CEP126: variants seen among roughly 807,000 people sequenced by gnomAD.
The protein encoded by CEP126 is centrosomal protein of 126 kDa.
CEP126 carries 74 observed loss-of-function variants against 107.8 expected under a neutral mutation model. That is an observed-to-expected ratio of 0.69 (90% CI 0.57 to 0.83). The LOEUF (loss-of-function observed/expected upper bound fraction) is 0.83. Among genes scored for constraint, CEP126 ranks in the 40% least tolerant of loss-of-function variants. The pLI is 0.00. For missense variants in CEP126, 1,237 were observed against 1,281.9 expected (o/e 0.96, Z 0.53); for synonymous variants, 449 against 446.0 (o/e 1.01, Z -0.08).
At chr11:101,923,256 T>C (rs1458531449) in intron 2 of CEP126, among the ~76,000 whole-genome samples, 2 of 152,138 alleles carry the variant, frequency 1.3e-5, no homozygotes, top group African/African-American at 2.4e-5. Flanking sequence ...GGTAGCAATA[T>C]GAATAACAGT....
intron 2 of CEP126, among the ~76,000 whole-genome samples, chr11:101,926,409 A>G (rs1367371372): frequency 6.6e-6 from 1 of 152,264 alleles, no homozygotes; most frequent in African/African-American, 2.4e-5. Context: ...GAAGAGTATC[A>G]GGAGAGGAAG....
intron 6 of CEP126, among the ~76,000 whole-genome samples, chr11:101,966,860 A>G (rs1339672536): frequency 1.3e-5 from 2 of 151,938 alleles, no homozygotes; most frequent in Admixed American, 1.3e-4. Flanking sequence ...GGTTTGGGGT[A>G]TGGATCCTAT....
intron 1 of CEP126, among the ~76,000 whole-genome samples, chr11:101,920,339 G>A (rs1017683783): frequency 2.0e-5 from 3 of 152,044 alleles, no homozygotes; most frequent in South Asian, 2.1e-4. Flanking sequence ...AACAAATTAT[G>A]TACCGCATAG....
At chr11:101,915,543 C>G in intron 1 of CEP126, 131 bp downstream of exon 1, 6 of 1,186,438 alleles carry the variant, frequency 5.1e-6, no homozygotes, top group Non-Finnish European at 7.0e-6. Context: ...CAGATATTTC[C>G]TTTAGCAACT....
intron 6 of CEP126, among the ~76,000 whole-genome samples, chr11:101,967,157 C>T (rs1434661588): frequency 1.3e-5 from 2 of 150,910 alleles, no homozygotes; most frequent in Admixed American, 1.3e-4. Context: ...ACCTTTCAGG[C>T]ACTACAGGCA....
rs1941492381 is a variant in CEP126 at position 102,000,235 on chromosome 11, AATAAT to A, written c.*2597_*2601del. ...TTACTTTTTAAAAAGTAACTTTTTT[AATAAT>A]ATAAGAAAGAAAAATGCCCTTTCAC... On this transcript the variant is annotated 3_prime_UTR_variant, in exon 11 of 11. Transcript: ENST00000263468. 6.6e-6 allele frequency: 1 copy of A among 152,160 alleles called. No individual in the cohort carries two copies. Among genetic ancestry groups the A allele is most frequent in the Non-Finnish European group, 1.5e-5 (1 of 68,040 alleles). 9.4% of individuals were successfully genotyped at this position (152,160 alleles called of 1,614,324 possible).
chr11:101,936,509 A>G (rs1288862008), intron 2 of CEP126, among the ~76,000 whole-genome samples: 12 of 152,160 alleles, frequency 7.9e-5, no homozygotes, highest in Admixed American at 7.2e-4. Context: ...GTCGTCTGCA[A>G]ATAAAGAGAA....
In CEP126 at chr11:101,963,542, ACT is replaced by A. The variant is rs770856008; in HGVS notation, c.2510_2511del (p.Ser837PhefsTer2). On this transcript the variant is annotated frameshift_variant, in exon 6 of 11. Coordinates refer to ENST00000263468, the MANE Select transcript of CEP126 (RefSeq NM_020802.4). LOFTEE classifies it high-confidence loss of function. The stretch of plus-strand genomic sequence containing the variant: ...AATCCTCAAAACATTATTACACATA[ACT>A]CTTTTAATTCAAAACATGTGCTTCC... 1 of 1,614,054 alleles carries A rather than the reference ACT, an allele frequency of 6.2e-7. No individual in the cohort carries two copies. Among genetic ancestry groups the A allele is most frequent in the Non-Finnish European group, 8.5e-7 (1 of 1,180,012 alleles).
intron 4 of CEP126, among the ~76,000 whole-genome samples, chr11:101,953,499 G>A (rs2137103734): frequency 6.6e-6 from 1 of 152,070 alleles, no homozygotes; most frequent in Non-Finnish European, 1.5e-5. Context: ...AAAAAAGAAA[G>A]CCACATAACT....
chr11:101,985,112 C>T (rs1361314337), intron 8 of CEP126, among the ~76,000 whole-genome samples: 1 of 151,354 alleles, frequency 6.6e-6, no homozygotes, highest in Non-Finnish European at 1.5e-5. Context: ...TCAGGAATAA[C>T]AGTGATACCA....
At chr11:101,943,711 A>G (rs1299777673) in intron 2 of CEP126, among the ~76,000 whole-genome samples, 1 of 152,022 alleles carries the variant, frequency 6.6e-6, no homozygotes, top group African/African-American at 2.4e-5. Context: ...GTTTGTAGCT[A>G]TGTGTGATTA....
At chr11:101,995,026 C>T (rs1941426648) in intron 10 of CEP126, among the ~76,000 whole-genome samples, 1 of 152,136 alleles carries the variant, frequency 6.6e-6, no homozygotes, top group South Asian at 2.1e-4. Flanking sequence ...TCTCCCCTAG[C>T]CCTCCACCCC....
Position 101,937,321 on chromosome 11 carries a change from A to G in CEP126, c.249-6944A>G, listed in dbSNP as rs375001740. Among the ~76,000 whole-genome samples the G allele has an allele frequency of 2.7e-4, 41 of 152,350 alleles. No homozygotes were observed. In the East Asian group the frequency reaches 4.6e-3, roughly 17 times the overall value. ...TATTCACACTTAAGTACTTAAAAGT[A>G]AAAAATATGACAGATAACATTAACA... On this transcript the variant is annotated intron_variant, in intron 2 of 10. Coordinates refer to ENST00000263468, the MANE Select transcript of CEP126 (RefSeq NM_020802.4).
intron 4 of CEP126, among the ~76,000 whole-genome samples, chr11:101,957,632 T>C (rs1940916466): frequency 7.0e-6 from 1 of 143,022 alleles, no homozygotes; most frequent in Non-Finnish European, 1.5e-5. Flanking sequence ...TTGGCCTCCA[T>C]TGAGGACGAT....
chr11:101,956,257 T>G, intron 4 of CEP126: 1 of 456,488 alleles, frequency 2.2e-6, no homozygotes, highest in Non-Finnish European at 4.4e-6. Flanking sequence ...GTCGTTCCCT[T>G]CCAGCTCCAC....
chr11:101,946,631 C>T (rs1453874716), intron 3 of CEP126, among the ~76,000 whole-genome samples: 1 of 151,964 alleles, frequency 6.6e-6, no homozygotes, highest in Admixed American at 6.6e-5. Context: ...GAGGCTGAGG[C>T]GGGTGGACCA....
At chr11:101,944,934 A>G (rs1294841812) in intron 3 of CEP126, among the ~76,000 whole-genome samples, 3 of 152,208 alleles carry the variant, frequency 2.0e-5, no homozygotes, top group East Asian at 1.9e-4. Flanking sequence ...ACAATTAACA[A>G]TATGTCAAAG....
chr11:101,917,306 T>C (rs1940237975), intron 1 of CEP126, among the ~76,000 whole-genome samples: 3 of 151,966 alleles, frequency 2.0e-5, no homozygotes, highest in Admixed American at 1.3e-4. Flanking sequence ...TAGCACAGAG[T>C]AGGTGCTCAA....
intron 7 of CEP126, among the ~76,000 whole-genome samples, chr11:101,979,729 C>A (rs933337592): frequency 6.6e-6 from 1 of 152,078 alleles, no homozygotes; most frequent in African/African-American, 2.4e-5. Flanking sequence ...CAGAGCAAGA[C>A]CCTGTCTCTC....
Sources: allele counts gnomAD v4.1 joint callset (sites outside exome capture counted in the v4.1 genomes callset), GRCh38; gene constraint gnomAD v4.1.1; transcripts MANE v1.5; gene names NCBI Gene and HGNC (gene_info 2026-07-23, HGNC 2026-07-21).